The following SH3RF3 variants were observed in gnomAD, a reference collection of about 807,000 sequenced individuals.
SH3RF3 encodes the protein E3 ubiquitin-protein ligase SH3RF3.
Under a neutral mutation model 66.3 loss-of-function variants are expected in SH3RF3, and 29 were observed. The ratio of observed to expected loss-of-function variants is 0.44; its 90% CI spans 0.33 to 0.60. The LOEUF is 0.60. SH3RF3 is among the 20% of genes least tolerant of loss of function. The probability of loss-of-function intolerance (pLI) is 0.04; values close to 1 mark genes in which losing one functional copy is unlikely to be tolerated. For missense variants in SH3RF3, 1,194 were observed against 1,190.9 expected, an observed-to-expected ratio of 1.00 and a Z score of -0.04; for synonymous variants, 583 against 532.0, an observed-to-expected ratio of 1.10 and a Z score of -1.32.
In SH3RF3 at chr2:109,209,697, C is replaced by G. The variant is rs972789792; in HGVS notation, c.573+79584C>G. ...GGACCCATTTCTAAAGCATGAGTCA[C>G]TACAAAATGTAGCTTTTTAGATGGA... On this transcript the variant is annotated intron_variant, in intron 1 of 9. Transcript: ENST00000309415. Among the ~76,000 whole-genome samples, 3 of 152,128 alleles carry G rather than the reference C, an allele frequency of 2.0e-5. No individual in the cohort carries two copies. In the East Asian group the frequency reaches 5.8e-4, roughly 29 times the overall value.
Position 109,501,962 on chromosome 2 carries a change from G to C in SH3RF3, c.*291G>C. The stretch of plus-strand genomic sequence containing the variant: ...GAGAGGCAGGTGCCGGCGCAGGCAG[G>C]CCTGTGGCTGTGGTTTGCAGCCATG... On this transcript the variant is annotated 3_prime_UTR_variant, in exon 10 of 10. Coordinates refer to ENST00000309415, the MANE Select transcript of SH3RF3 (RefSeq NM_001099289.3). 2.8e-6 allele frequency: 1 copy of C among 363,578 alleles called. No individual in the cohort carries two copies. The highest frequency in any genetic ancestry group is 5.1e-6 in the Non-Finnish European group (1 of 195,628). The allele number at this position is 363,578 out of a possible 1,614,324, so 22.5% of individuals were successfully genotyped here. A position where few individuals can be genotyped will look rare whatever the true frequency, so the allele number is the denominator to read the frequency against.
intron 1 of SH3RF3, among the ~76,000 whole-genome samples, chr2:109,319,677 G>C (rs1368781289): frequency 6.6e-6 from 1 of 152,188 alleles, no homozygotes; most frequent in Non-Finnish European, 1.5e-5. Context: ...TCTTTTTAAA[G>C]TGTGCGATCT....
At chr2:109,486,801 G>A (rs1362756859) in intron 8 of SH3RF3, among the ~76,000 whole-genome samples, 1 of 152,202 alleles carries the variant, frequency 6.6e-6, no homozygotes. Flanking sequence ...AGACATCCCA[G>A]CAGGGCGACA....
intron 8 of SH3RF3, among the ~76,000 whole-genome samples, chr2:109,468,542 CGAT>C (rs1156683480): frequency 2.0e-5 from 3 of 152,048 alleles, no homozygotes; most frequent in Non-Finnish European, 4.4e-5. Flanking sequence ...CGAGCACAAA[CGAT>C]GACCAGTCAG....
At chr2:109,456,022 C>T (rs72824758) in intron 8 of SH3RF3, among the ~76,000 whole-genome samples, 8 of 152,342 alleles carry the variant, frequency 5.3e-5, no homozygotes, top group Non-Finnish European at 1.2e-4. Flanking sequence ...GCTCACGGAG[C>T]CCCTTGGCCC....
At chr2:109,458,928 A>T (rs916551163) in intron 8 of SH3RF3, among the ~76,000 whole-genome samples, 2 of 152,240 alleles carry the variant, frequency 1.3e-5, no homozygotes, top group Non-Finnish European at 2.9e-5. Flanking sequence ...CCACACTGAC[A>T]TAAAACTCAC....
At chr2:109,219,271 G>A (rs541604356) in intron 1 of SH3RF3, among the ~76,000 whole-genome samples, 2 of 151,380 alleles carry the variant, frequency 1.3e-5, no homozygotes, top group Middle Eastern at 3.4e-3. Context: ...CACTTTTTTG[G>A]GGGGCTCAGT....
At chr2:109,216,840 G>A (rs982369537) in intron 1 of SH3RF3, among the ~76,000 whole-genome samples, 2 of 152,122 alleles carry the variant, frequency 1.3e-5, no homozygotes, top group African/African-American at 4.8e-5. Flanking sequence ...CAGTTCAGTG[G>A]CATTAAGCAC....
At chr2:109,191,659 G>A (rs1249996386) in intron 1 of SH3RF3, among the ~76,000 whole-genome samples, 1 of 152,146 alleles carries the variant, frequency 6.6e-6, no homozygotes, top group East Asian at 1.9e-4. Flanking sequence ...GGAGCCACTT[G>A]CCCATGGCAG....
chr2:109,497,380 G>A (rs538262257), intron 9 of SH3RF3, among the ~76,000 whole-genome samples: 3 of 152,232 alleles, frequency 2.0e-5, no homozygotes, highest in South Asian at 2.1e-4. Flanking sequence ...GGAAGCAGAC[G>A]ACCCCCAAGG....
intron 1 of SH3RF3, among the ~76,000 whole-genome samples, chr2:109,192,019 A>G (rs567536823): frequency 1.3e-5 from 2 of 152,248 alleles, no homozygotes; most frequent in South Asian, 4.2e-4. Flanking sequence ...CCCTGCAGTC[A>G]TTTTGGCGAA....
intron 1 of SH3RF3, among the ~76,000 whole-genome samples, chr2:109,156,068 G>C (rs903310372): frequency 6.6e-6 from 1 of 152,192 alleles, no homozygotes; most frequent in Non-Finnish European, 1.5e-5. Flanking sequence ...TGGGAAGCTG[G>C]GTCCTCTCCT....
intron 2 of SH3RF3, among the ~76,000 whole-genome samples, chr2:109,359,662 A>C (rs2105618950): frequency 6.6e-6 from 1 of 152,328 alleles, no homozygotes; most frequent in Non-Finnish European, 1.5e-5. Flanking sequence ...TCCAAAATCC[A>C]AAATTTTTTG....
At chr2:109,482,716 T>A (rs34087472) in intron 8 of SH3RF3, among the ~76,000 whole-genome samples, 1 of 151,634 alleles carries the variant, frequency 6.6e-6, no homozygotes, top group East Asian at 1.9e-4. Context: ...TGTCCCTGCC[T>A]GCACCTCCGG....
chr2:109,446,765 C>T (rs928231946), intron 7 of SH3RF3, among the ~76,000 whole-genome samples: 2 of 114,124 alleles, frequency 1.8e-5, no homozygotes, highest in African/African-American at 2.6e-5. Flanking sequence ...GGAACACACT[C>T]CCTCTCTTCT....
intron 2 of SH3RF3, among the ~76,000 whole-genome samples, chr2:109,349,691 CAGG>C (rs1345114372): frequency 2.0e-5 from 3 of 152,232 alleles, no homozygotes; most frequent in Non-Finnish European, 4.4e-5. Context: ...AGGGGCCTCA[CAGG>C]AGGAGGCTCT....
At chr2:109,231,162 C>A (rs1037692474) in intron 1 of SH3RF3, among the ~76,000 whole-genome samples, 1 of 152,238 alleles carries the variant, frequency 6.6e-6, no homozygotes, top group Non-Finnish European at 1.5e-5. Context: ...CCTCCCGGAG[C>A]CAGGCCAGAG....
chr2:109,267,395 T>C (rs1680520950), intron 1 of SH3RF3, among the ~76,000 whole-genome samples: 1 of 152,146 alleles, frequency 6.6e-6, no homozygotes, highest in African/African-American at 2.4e-5. Context: ...AGTGCTGAGC[T>C]TGCCCGAAGA....
intron 1 of SH3RF3, among the ~76,000 whole-genome samples, chr2:109,151,654 T>G (rs1401508880): frequency 6.6e-6 from 1 of 152,248 alleles, no homozygotes; most frequent in Non-Finnish European, 1.5e-5. Flanking sequence ...CTGCAGTACA[T>G]CTGAGGTCAC....
Sources: allele counts gnomAD v4.1 joint callset (sites outside exome capture counted in the v4.1 genomes callset), GRCh38; gene constraint gnomAD v4.1.1; transcripts MANE v1.5; gene names NCBI Gene and HGNC (gene_info 2026-07-23, HGNC 2026-07-21).